The following ILKAP variants were observed in gnomAD, a reference collection of about 807,000 sequenced individuals.
The protein encoded by ILKAP is integrin-linked kinase-associated serine/threonine phosphatase 2C.
ILKAP carries 11 observed loss-of-function variants against 49.1 expected under a neutral mutation model. The ratio of observed to expected loss-of-function variants is 0.22; its 90% confidence interval spans 0.14 to 0.37. The LOEUF (loss-of-function observed/expected upper bound fraction) is 0.37, where lower values mean the gene tolerates loss of function less well. Among genes scored for constraint, ILKAP ranks in the 10% least tolerant of loss-of-function variants. ILKAP has a pLI of 1.00. For missense variants in ILKAP, 363 were observed against 510.8 expected (o/e 0.71, Z 2.79); for synonymous variants, 186 against 192.8 (o/e 0.96, Z 0.29).
intron 3 of ILKAP, among the ~76,000 whole-genome samples, chr2:238,192,203 T>TAAA (rs71402770): frequency 1.5e-5 from 2 of 133,840 alleles, no homozygotes; most frequent in East Asian, 2.1e-4. Flanking sequence ...GAGACTGTCT[T>TAAA]AAAAAAAAAA....
chr2:238,185,036 T>C, intron 6 of ILKAP, 145 bp downstream of exon 6: 1 of 561,168 alleles, frequency 1.8e-6, no homozygotes. Context: ...CCTGGAAGCC[T>C]TGGCATCCAC....
At chr2:238,179,128 A>G (rs1693586634) in intron 9 of ILKAP, among the ~76,000 whole-genome samples, 1 of 152,202 alleles carries the variant, frequency 6.6e-6, no homozygotes, top group African/African-American at 2.4e-5. Context: ...AAACATTAAT[A>G]CACACATATG....
chr2:238,194,771 T>G (rs780435744), intron 2 of ILKAP, 34 bp downstream of exon 2: 2 of 1,604,370 alleles, frequency 1.2e-6, no homozygotes, highest in Non-Finnish European at 8.5e-7. Flanking sequence ...AGTAGAGACG[T>G]TGACACACAC....
chr2:238,170,878 C>T, intron 11 of ILKAP, 65 bp downstream of exon 11: 1 of 1,517,898 alleles, frequency 6.6e-7, no homozygotes, highest in Non-Finnish European at 9.2e-7. Context: ...GGTCTCAGAA[C>T]TTCTACTTCT....
At chr2:238,183,410 G>A (rs1693775313) in intron 8 of ILKAP, among the ~76,000 whole-genome samples, 2 of 152,052 alleles carry the variant, frequency 1.3e-5, no homozygotes, top group East Asian at 3.9e-4. Context: ...AAAAAAGACG[G>A]GATCTGGGTT....
At chr2:238,192,601 G>T (rs1253617684) in intron 3 of ILKAP, among the ~76,000 whole-genome samples, 1 of 151,764 alleles carries the variant, frequency 6.6e-6, no homozygotes, top group Non-Finnish European at 1.5e-5. Context: ...TTGGGAGGCT[G>T]AGGCAGCAGA....
At chr2:238,187,566 A>C (rs1045881489) in intron 5 of ILKAP, among the ~76,000 whole-genome samples, 1 of 152,114 alleles carries the variant, frequency 6.6e-6, no homozygotes, top group Non-Finnish European at 1.5e-5. Context: ...AGTTGCAGCT[A>C]ATTTTTCATT....
At chr2:238,191,172 C>T (rs945758121) in intron 3 of ILKAP, among the ~76,000 whole-genome samples, 2 of 148,572 alleles carry the variant, frequency 1.3e-5, no homozygotes, top group Non-Finnish European at 3.0e-5. Flanking sequence ...TTTTTTGAGA[C>T]GGAGTCTACT....
At chr2:238,170,708 A>G in intron 11 of ILKAP, 32 bp from the exon 12 acceptor site, 1 of 1,596,232 alleles carries the variant, frequency 6.3e-7, no homozygotes, top group Non-Finnish European at 8.6e-7. Context: ...GAGTGAATGG[A>G]GTGACCCCGC....
intron 10 of ILKAP, among the ~76,000 whole-genome samples, chr2:238,172,088 T>C (rs556152990): frequency 1.3e-5 from 2 of 152,320 alleles, no homozygotes; most frequent in Admixed American, 6.5e-5. Flanking sequence ...CTTTCCCTCT[T>C]GTTGCCCAGG....
Position 238,170,931 on chromosome 2 carries a change from G to A in ILKAP, c.1038+12C>T, listed in dbSNP as rs758430778. 1.2e-5 allele frequency: 19 copies of A among 1,611,210 alleles called. No individual in the cohort carries two copies. The highest frequency in any genetic ancestry group is 8.5e-7 in the Non-Finnish European group (1 of 1,177,472). Reference sequence around the variant, plus strand: ...ATTGGGACAACCACCACCCCCGTGTGAGATTTCTCACCTCGAGACAGGACA... The same window carrying A: ...ATTGGGACAACCACCACCCCCGTGTAAGATTTCTCACCTCGAGACAGGACA... On this transcript the variant is annotated intron_variant, in intron 11 of 11. Transcript: ENST00000254654.
At chr2:238,174,150 A>G (rs898324823) in intron 9 of ILKAP, among the ~76,000 whole-genome samples, 1 of 152,234 alleles carries the variant, frequency 6.6e-6, no homozygotes, top group Non-Finnish European at 1.5e-5. Context: ...TGTGGAGCAC[A>G]TGTCCTTTGC....
In ILKAP at chr2:238,170,408, A is replaced by G; in HGVS notation, c.*128T>C. The G allele has an allele frequency of 9.2e-7, 1 of 1,087,780 alleles. No homozygotes were observed. 67.4% of individuals were successfully genotyped at this position (1,087,780 alleles called of 1,614,324 possible). A position where few individuals can be genotyped will look rare whatever the true frequency, so the allele number is the denominator to read the frequency against. On this transcript the variant is annotated 3_prime_UTR_variant, in exon 12 of 12. Coordinates refer to ENST00000254654, the MANE Select transcript of ILKAP (RefSeq NM_030768.3). ...GTATAATAACTCAAAAGACTAGGAAAAAAAAAGAGAAACCTTTATTTACAA... is the reference window on the plus strand; with the variant it reads ...GTATAATAACTCAAAAGACTAGGAAGAAAAAAGAGAAACCTTTATTTACAA...
rs192623848 is a variant in ILKAP at position 238,183,964 on chromosome 2, A to T, written c.626+56T>A. The stretch of plus-strand genomic sequence containing the variant: ...AAACCACATCAGAAGACTGAAATGC[A>T]TTTAGGAAAACACCACACACAGTCC... On this transcript the variant is annotated intron_variant, in intron 7 of 11. Transcript: ENST00000254654. 117 of 1,174,508 alleles carry T rather than the reference A, an allele frequency of 1.0e-4. No individual in the cohort carries two copies. The African/African-American group carries it at 1.7e-3, about 17-fold the overall frequency. 72.8% of individuals were successfully genotyped at this position (1,174,508 alleles called of 1,614,324 possible). A position where few individuals can be genotyped will look rare whatever the true frequency, so the allele number is the denominator to read the frequency against.
chr2:238,191,148 G>A (rs992566281), intron 3 of ILKAP, among the ~76,000 whole-genome samples: 7 of 151,286 alleles, frequency 4.6e-5, no homozygotes, highest in Non-Finnish European at 7.4e-5. Context: ...GTAAACACAA[G>A]GTGTCTTTTT....
chr2:238,202,522 G>A (rs1694611411), intron 1 of ILKAP, among the ~76,000 whole-genome samples: 3 of 152,130 alleles, frequency 2.0e-5, no homozygotes, highest in East Asian at 1.9e-4. Flanking sequence ...GTTGGCCTGG[G>A]GATTTAGTAA....
intron 4 of ILKAP, 94 bp from the exon 5 acceptor site, chr2:238,188,351 C>A (rs759389108): frequency 8.3e-6 from 12 of 1,445,972 alleles, no homozygotes; most frequent in Non-Finnish European, 1.1e-5. Flanking sequence ...CTATGACTGT[C>A]TGACTCAGCA....
intron 9 of ILKAP, among the ~76,000 whole-genome samples, chr2:238,174,572 T>C (rs1447131952): frequency 6.6e-6 from 1 of 152,172 alleles, no homozygotes; most frequent in Non-Finnish European, 1.5e-5. Flanking sequence ...CTGCACATGG[T>C]AGGAAATGCT....
intron 4 of ILKAP, 34 bp downstream of exon 4, chr2:238,189,819 G>C: frequency 1.9e-6 from 3 of 1,604,526 alleles, no homozygotes; most frequent in Non-Finnish European, 2.6e-6. Context: ...AAAATATGAA[G>C]TCTAATACAT....
Sources: gnomAD v4.1 joint callset for allele counts (sites outside exome capture counted in the v4.1 genomes callset) on GRCh38, gnomAD v4.1.1 for gene constraint, MANE v1.5 for transcripts, NCBI Gene and HGNC (gene_info 2026-07-23, HGNC 2026-07-21) for gene names.